The following CCDC30 variants were observed in gnomAD, a reference collection of about 807,000 sequenced individuals.
CCDC30 encodes the protein coiled-coil domain-containing protein 30.
A neutral mutation model predicts 100.2 loss-of-function variants in CCDC30; 70 were observed. That is an observed-to-expected ratio of 0.70 (90% CI 0.58 to 0.85). The LOEUF (loss-of-function observed/expected upper bound fraction) is 0.85. Ranked by LOEUF, CCDC30 falls within the 40% of genes least tolerant of loss-of-function variation. The probability of loss-of-function intolerance (pLI) is 0.00; values close to 1 mark genes in which losing one functional copy is unlikely to be tolerated. For synonymous variants in CCDC30, 233 were observed against 269.5 expected, an observed-to-expected ratio of 0.86 and a Z score of 1.33; for missense variants, 652 against 771.2, an observed-to-expected ratio of 0.85 and a Z score of 1.83.
chr1:42,493,890 C>A (rs542203160), intron 4 of CCDC30, among the ~76,000 whole-genome samples: 50 of 152,062 alleles, frequency 3.3e-4, no homozygotes, highest in Non-Finnish European at 6.6e-4. Context: ...AGCTCTAAAT[C>A]TATGTAAAGA....
At chr1:42,621,029 A>G (rs150361634) in intron 11 of CCDC30, among the ~76,000 whole-genome samples, 2 of 152,226 alleles carry the variant, frequency 1.3e-5, no homozygotes, top group African/African-American at 4.8e-5. Flanking sequence ...AAATTAATGT[A>G]AGTAGAGAAT....
intron 6 of CCDC30, chr1:42,529,472 A>AAAAT (rs59841793): frequency 4.7e-5 from 7 of 150,290 alleles, no homozygotes; most frequent in African/African-American, 1.7e-4. Flanking sequence ...ACTCCATCTC[A>AAAAT]AAATAAATAA....
chr1:42,582,837 C>T (rs1645994334), intron 9 of CCDC30, among the ~76,000 whole-genome samples: 1 of 152,162 alleles, frequency 6.6e-6, no homozygotes, highest in South Asian at 2.1e-4. Flanking sequence ...TACAATTCTT[C>T]AAAGAAGTGC....
At chr1:42,519,101 T>G (rs1644597323) in intron 6 of CCDC30, among the ~76,000 whole-genome samples, 1 of 152,230 alleles carries the variant, frequency 6.6e-6, no homozygotes, top group Admixed American at 6.5e-5. Flanking sequence ...TTTCAATATG[T>G]TGAACCATCC....
intron 11 of CCDC30, among the ~76,000 whole-genome samples, chr1:42,611,682 A>C (rs1646627555): frequency 6.6e-6 from 1 of 151,988 alleles, no homozygotes; most frequent in Admixed American, 6.6e-5. Flanking sequence ...ATTGCAAAAA[A>C]AAATTCTTTT....
chr1:42,581,045 G>T (rs1016545), intron 8 of CCDC30: 50,970 of 367,996 alleles, frequency 0.14, 3,918 homozygotes, highest in East Asian at 0.18. Flanking sequence ...TTACCATGTT[G>T]CCCAGGCTGG....
At chr1:42,546,399 AATATATATAT>A (rs66804938) in intron 6 of CCDC30, among the ~76,000 whole-genome samples, 1 of 11,970 alleles carries the variant, frequency 8.4e-5, no homozygotes, top group Admixed American at 1.3e-3. Context: ...AAAAAAAAAA[AATATATATAT>A]ATATATATAT....
intron 1 of CCDC30, among the ~76,000 whole-genome samples, chr1:42,465,820 C>T (rs2148430794): frequency 6.6e-6 from 1 of 152,264 alleles, no homozygotes; most frequent in Admixed American, 6.5e-5. Context: ...TCTTAATATG[C>T]ACAGAACTGC....
intron 14 of CCDC30, among the ~76,000 whole-genome samples, chr1:42,645,079 T>C (rs1391599597): frequency 6.6e-6 from 1 of 152,196 alleles, no homozygotes; most frequent in African/African-American, 2.4e-5. Flanking sequence ...CACTGTATTG[T>C]CATTGCCCTT....
exon 8 of CCDC30, chr1:42,577,137 G>A (rs1450964308): frequency 9.9e-6 from 16 of 1,614,084 alleles, no homozygotes; most frequent in Non-Finnish European, 1.4e-5. Flanking sequence ...GGAGTTGGAA[G>A]TACTTAAACA....
chr1:42,564,383 G>A (rs1375406991), intron 6 of CCDC30, among the ~76,000 whole-genome samples: 1 of 152,024 alleles, frequency 6.6e-6, no homozygotes, highest in Non-Finnish European at 1.5e-5. Context: ...CATGATCTTG[G>A]CTCACTGCAA....
At chr1:42,616,921 G>C (rs566605042) in intron 11 of CCDC30, among the ~76,000 whole-genome samples, 1 of 152,238 alleles carries the variant, frequency 6.6e-6, no homozygotes, top group South Asian at 2.1e-4. Context: ...TCACTTAATA[G>C]GACATAATAC....
intron 9 of CCDC30, among the ~76,000 whole-genome samples, chr1:42,588,368 T>C (rs1008773637): frequency 3.9e-5 from 6 of 152,056 alleles, no homozygotes; most frequent in African/African-American, 1.2e-4. Flanking sequence ...GACAGATTAA[T>C]AGGAGAAAAA....
Position 42,581,449 on chromosome 1 carries a change from G to T in CCDC30, c.936G>T (p.Lys312Asn). 1.9e-6 allele frequency: 3 copies of T among 1,613,740 alleles called. No homozygotes were observed. The South Asian group carries it at 3.3e-5, about 18-fold the overall frequency. The change falls in exon 9 of 17, where the codon AAG (lysine) becomes AAT (asparagine). Residue 312 changes from lysine (K) to asparagine (N), a missense_variant. Physicochemically the swap from Lys to Asn is moderately conservative, Grantham distance 94 (BLOSUM62 0). Transcript: ENST00000668663. ...CAGAGAAGCAGCAGCTAGAGGAAAA[G>T]ATAAAAGAAGCAACACAAAATGAAG...
At chr1:42,564,449 A>C (rs1645563985) in intron 6 of CCDC30, among the ~76,000 whole-genome samples, 1 of 152,000 alleles carries the variant, frequency 6.6e-6, no homozygotes, top group Non-Finnish European at 1.5e-5. Flanking sequence ...AGTAGCTGGG[A>C]CTACAGGTGC....
At chr1:42,587,116 G>A (rs2148602389) in intron 9 of CCDC30, among the ~76,000 whole-genome samples, 1 of 152,224 alleles carries the variant, frequency 6.6e-6, no homozygotes, top group African/African-American at 2.4e-5. Context: ...GCCCACCTCA[G>A]CCTCCTGAGT....
At chr1:42,571,360 G>C (rs1038338553) in intron 7 of CCDC30, 2 of 151,840 alleles carry the variant, frequency 1.3e-5, no homozygotes, top group East Asian at 1.9e-4. Flanking sequence ...GATTGTTCTT[G>C]AAAAATGAAA....
chr1:42,566,579 A>T, intron 7 of CCDC30, 104 bp downstream of exon 11: 8 of 875,476 alleles, frequency 9.1e-6, no homozygotes, highest in Non-Finnish European at 1.4e-5. Context: ...ATCCACAAAT[A>T]TGTGGACAAT....
chr1:42,589,477 T>C (rs1266803052), exon 10 of CCDC30: 1 of 1,612,682 alleles, frequency 6.2e-7, no homozygotes, highest in East Asian at 2.2e-5. Flanking sequence ...AAAGAAAATA[T>C]GATGAGGTAA....
Sources: gnomAD v4.1 joint callset for allele counts (sites outside exome capture counted in the v4.1 genomes callset) on GRCh38, gnomAD v4.1.1 for gene constraint, MANE v1.5 for transcripts, NCBI Gene and HGNC (gene_info 2026-07-23, HGNC 2026-07-21) for gene names.